ADCY5: variants seen among roughly 807,000 people sequenced by gnomAD.
ADCY5 encodes the protein adenylate cyclase type 5.
ADCY5 carries 30 observed loss-of-function variants against 119.7 expected under a neutral mutation model. That is an observed-to-expected ratio of 0.25 (90% CI 0.19 to 0.34). ADCY5 has a LOEUF of 0.34. ADCY5 is among the 10% of genes least tolerant of loss of function. The pLI, the probability that ADCY5 is intolerant of heterozygous loss-of-function variation, is 1.00. For missense variants in ADCY5, 1,324 were observed against 1,775.2 expected (o/e 0.75, Z 4.57); for synonymous variants, 753 against 762.2 (o/e 0.99, Z 0.20).
In ADCY5 at chr3:123,419,155, C is replaced by T. The variant is rs1048253761; in HGVS notation, c.1134+28257G>A. ...GAACGCTGATAGTGCAGCCGGTGCC[C>T]GAGAGAGCACCGCATCCCCTCCCCT... is the stretch of plus-strand genomic sequence containing the variant. On this transcript the variant is annotated intron_variant, in intron 1 of 20. Coordinates refer to ENST00000462833, the MANE Select transcript of ADCY5 (RefSeq NM_183357.3). 78 of 985,362 alleles carry T rather than the reference C, an allele frequency of 7.9e-5. 1 individual carries two copies. Among genetic ancestry groups the T allele is most frequent in the Admixed American group, 3.1e-4 (5 of 16,282 alleles). The allele number at this position is 985,362 out of a possible 1,614,324, so 61.0% of individuals were successfully genotyped here. A position where few individuals can be genotyped will look rare whatever the true frequency, so the allele number is the denominator to read the frequency against.
chr3:123,442,687 A>G (rs1244035470), intron 1 of ADCY5, among the ~76,000 whole-genome samples: 21 of 152,160 alleles, frequency 1.4e-4, no homozygotes. Context: ...GCAGCTGGGC[A>G]TTGTGCCCCT....
At chr3:123,436,504 G>A (rs537965175) in intron 1 of ADCY5, among the ~76,000 whole-genome samples, 3 of 152,192 alleles carry the variant, frequency 2.0e-5, no homozygotes, top group Admixed American at 6.5e-5. Flanking sequence ...TCAGGAGTTC[G>A]AGACCAGCCT....
intron 19 of ADCY5, among the ~76,000 whole-genome samples, chr3:123,288,198 G>C (rs905049190): frequency 5.3e-5 from 8 of 152,162 alleles, no homozygotes; most frequent in Admixed American, 3.9e-4. Context: ...CCCGATTCCT[G>C]ACACTCAGGC....
intron 16 of ADCY5, chr3:123,297,093 C>A: frequency 1.3e-6 from 2 of 1,511,782 alleles, no homozygotes; most frequent in Non-Finnish European, 1.8e-6. Flanking sequence ...TAACATGAGG[C>A]CTATGGGATG....
intron 1 of ADCY5, among the ~76,000 whole-genome samples, chr3:123,363,995 T>C (rs904121577): frequency 3.9e-5 from 6 of 152,180 alleles, no homozygotes; most frequent in African/African-American, 1.2e-4. Flanking sequence ...ACATTCAACA[T>C]TGTGGGAAAT....
At chr3:123,426,222 G>C (rs1945404891) in intron 1 of ADCY5, among the ~76,000 whole-genome samples, 2 of 152,098 alleles carry the variant, frequency 1.3e-5, no homozygotes, top group Admixed American at 6.5e-5. Flanking sequence ...CAACATGGGG[G>C]TGGACAGCAG....
Position 123,291,272 on chromosome 3 carries a change from C to A in ADCY5, c.3168G>T (p.Glu1056Asp). The change falls in exon 18 of 21, where the codon GAG becomes GAT. Residue 1056 changes from glutamate (E) to aspartate (D), a missense_variant. Coordinates refer to ENST00000462833, the MANE Select transcript of ADCY5 (RefSeq NM_183357.3). Reference protein sequence around the residue: ...KDVAAHFLARERRNDELYYQS... With the variant: ...KDVAAHFLARDRRNDELYYQS... ...GATAGTAGAGCTCATCATTGCGCCG[C>A]TCGCGGGCCAGGAAGTGAGCGGCCA... 6.2e-7 allele frequency: 1 copy of A among 1,614,020 alleles called. No homozygotes were observed. Among genetic ancestry groups the A allele is most frequent in the Non-Finnish European group, 8.5e-7 (1 of 1,180,048 alleles).
Position 123,314,242 on chromosome 3 carries a change from C to A in ADCY5, c.2435G>T (p.Cys812Phe). The A allele has an allele frequency of 6.2e-7, 1 of 1,612,316 alleles. No individual in the cohort carries two copies. The highest frequency in any genetic ancestry group is 8.5e-7 in the Non-Finnish European group (1 of 1,178,524). ...LVVFVSVIYS[C>F]VKLFPSPLQT... ...GCTGTCAGCTACACTCACCTTTACG[C>A]AGGAGTAGATCACAGACACAAACAC... is the stretch of plus-strand genomic sequence containing the variant. The change falls in exon 12 of 21, where the codon TGC (cysteine) becomes TTC (phenylalanine). Residue 812 changes from cysteine to phenylalanine, a missense_variant. Physicochemically the swap from Cys to Phe is radical, Grantham distance 205 (BLOSUM62 -2). Around this residue, in one of 6 missense-constraint regions of ADCY5, gnomAD observed 424 missense variants for 546.8 expected, o/e 0.78. Transcript: ENST00000462833.
intron 5 of ADCY5, among the ~76,000 whole-genome samples, chr3:123,330,098 C>T (rs190913621): frequency 2.0e-5 from 3 of 152,334 alleles, no homozygotes; most frequent in Admixed American, 1.3e-4. Flanking sequence ...AGGCTCTGTG[C>T]TTCCGGGGAG....
At chr3:123,385,033 C>T (rs942990892) in intron 1 of ADCY5, among the ~76,000 whole-genome samples, 1 of 152,124 alleles carries the variant, frequency 6.6e-6, no homozygotes, top group East Asian at 1.9e-4. Flanking sequence ...GGCAAGTTAC[C>T]GCAAACAGCA....
intron 3 of ADCY5, among the ~76,000 whole-genome samples, chr3:123,344,696 T>C (rs907213909): frequency 6.6e-6 from 1 of 152,162 alleles, no homozygotes; most frequent in African/African-American, 2.4e-5. Context: ...TAAACTATGA[T>C]GTCACCCCCC....
At chr3:123,374,471 G>A (rs143899509) in intron 1 of ADCY5, among the ~76,000 whole-genome samples, 93 of 152,204 alleles carry the variant, frequency 6.1e-4, no homozygotes, top group Middle Eastern at 3.4e-3. Context: ...TCTAATCCTC[G>A]GGACAACACT....
At chr3:123,441,008 CAG>C (rs1185631341) in intron 1 of ADCY5, among the ~76,000 whole-genome samples, 2 of 152,312 alleles carry the variant, frequency 1.3e-5, no homozygotes, top group African/African-American at 4.8e-5. Flanking sequence ...TTCTTTTAAA[CAG>C]GGGCTGAGAT....
chr3:123,389,069 G>T (rs2107580526), intron 1 of ADCY5, among the ~76,000 whole-genome samples: 2 of 152,300 alleles, frequency 1.3e-5, no homozygotes, highest in South Asian at 4.1e-4. Flanking sequence ...ATGGAGGCCA[G>T]GTCAAAGGAG....
At chr3:123,299,877 G>A (rs546533039) in intron 15 of ADCY5, among the ~76,000 whole-genome samples, 2 of 152,358 alleles carry the variant, frequency 1.3e-5, no homozygotes, top group South Asian at 4.1e-4. Flanking sequence ...AGGCTGCCCT[G>A]GCAAGCGGGG....
intron 1 of ADCY5, among the ~76,000 whole-genome samples, chr3:123,429,396 G>A (rs189885805): frequency 3.9e-5 from 6 of 152,146 alleles, no homozygotes; most frequent in Admixed American, 2.6e-4. Flanking sequence ...CAGATAAAAG[G>A]AGGATCCCCC....
Position 123,325,554 on chromosome 3 carries a change from G to T in ADCY5, c.1948-92C>A, listed in dbSNP as rs1941445232. On this transcript the variant is annotated intron_variant, in intron 7 of 20. Transcript: ENST00000462833. ...AAACATCGTACCTGGCCAGGTAAGG[G>T]GCTAAGGCAGCTGCCCTTTCCTCTC... 20 of 1,519,698 alleles carry T rather than the reference G, an allele frequency of 1.3e-5. No individual in the cohort carries two copies. In the South Asian group the frequency reaches 2.3e-4, roughly 18 times the overall value. 94.1% of individuals were successfully genotyped at this position (1,519,698 alleles called of 1,614,324 possible).
intron 10 of ADCY5, among the ~76,000 whole-genome samples, chr3:123,319,091 C>T (rs1440918695): frequency 6.6e-6 from 1 of 152,208 alleles, no homozygotes; most frequent in Non-Finnish European, 1.5e-5. Context: ...TGGTGGCTCA[C>T]ACCTGTAATC....
chr3:123,331,951 G>A (rs565217909), intron 4 of ADCY5, among the ~76,000 whole-genome samples: 10 of 152,324 alleles, frequency 6.6e-5, no homozygotes, highest in Admixed American at 4.6e-4. Context: ...CCACCCGTCA[G>A]TGGCCACTGA....
Sources: gnomAD v4.1 joint callset for allele counts (sites outside exome capture counted in the v4.1 genomes callset) on GRCh38, gnomAD v4.1.1 for gene constraint, gnomAD v4.1.1 regional missense constraint, MANE v1.5 for transcripts, NCBI Gene and HGNC (gene_info 2026-07-23, HGNC 2026-07-21) for gene names.